MACF1: variants seen among roughly 807,000 people sequenced by gnomAD.
MACF1 encodes the protein microtubule actin crosslinking factor 1.
In MACF1, 193 loss-of-function variants were observed where a neutral mutation model predicts 854.8. The observed-to-expected ratio is 0.23, with a 90% CI of 0.20 to 0.25. The LOEUF (loss-of-function observed/expected upper bound fraction) is 0.25, where lower values mean the gene tolerates loss of function less well. Ranked by LOEUF, MACF1 falls within the 10% of genes least tolerant of loss-of-function variation. The probability of loss-of-function intolerance (pLI) is 1.00; values close to 1 mark genes in which losing one functional copy is unlikely to be tolerated. For synonymous variants in MACF1, 3,185 were observed against 3,226.7 expected, an observed-to-expected ratio of 0.99 and a Z score of 0.44; for missense variants, 7,722 against 8,929.1, an observed-to-expected ratio of 0.86 and a Z score of 5.45.
At chr1:39,463,482 C>T (rs1257156189) in intron 93 of MACF1, 130 bp from the exon 94 acceptor site, 7 of 611,530 alleles carry the variant, frequency 1.1e-5, no homozygotes, top group Non-Finnish European at 2.1e-5. Context: ...AAGAGCGAAA[C>T]TCCATCTCAA....
intron 2 of MACF1, among the ~76,000 whole-genome samples, chr1:39,096,620 T>C (rs1032055155): frequency 4.0e-5 from 6 of 151,410 alleles, no homozygotes; most frequent in Non-Finnish European, 8.8e-5. Context: ...AAAGTTCCCG[T>C]AATCACATAC....
chr1:39,119,872 C>CTTTTTTT (rs571383832), intron 2 of MACF1, among the ~76,000 whole-genome samples: 1 of 65,554 alleles, frequency 1.5e-5, no homozygotes, highest in Non-Finnish European at 2.9e-5. Flanking sequence ...AATAAAGCCT[C>CTTTTTTT]TTTTTTTTTT....
rs750854813 is a variant in MACF1 at position 39,461,871 on chromosome 1, C to A, written c.21524-12C>A. ...CCTCTTAATGTTTCAAAATATGATT[C>A]CTTTTCTCCAGAGTTCCCCACCACC... On this transcript the variant is annotated splice_polypyrimidine_tract_variant and intron_variant, in intron 92 of 100. Transcript: ENST00000564288. The A allele has an allele frequency of 2.5e-6, 4 of 1,600,320 alleles. No homozygotes were observed. In the African/African-American group the frequency reaches 5.4e-5, roughly 22 times the overall value.
At chr1:39,260,871 G>A (rs550214533) in intron 6 of MACF1, among the ~76,000 whole-genome samples, 1 of 151,924 alleles carries the variant, frequency 6.6e-6, no homozygotes, top group Non-Finnish European at 1.5e-5. Flanking sequence ...CTTAACAACA[G>A]TAATGTGGTT....
intron 26 of MACF1, 28 bp downstream of exon 26, chr1:39,311,028 G>A (rs375908351): frequency 2.9e-5 from 46 of 1,595,268 alleles, no homozygotes; most frequent in Non-Finnish European, 3.8e-5. Flanking sequence ...TGTGGATGCT[G>A]GTTGTGGAGT....
intron 34 of MACF1, 48 bp from the exon 35 acceptor site, chr1:39,324,598 C>G: frequency 6.8e-7 from 1 of 1,471,770 alleles, no homozygotes; most frequent in Non-Finnish European, 9.3e-7. Flanking sequence ...ATTTTTGACT[C>G]TTAATTCTTG....
chr1:39,431,901 A>C (rs907453901), intron 66 of MACF1, among the ~76,000 whole-genome samples: 1 of 152,162 alleles, frequency 6.6e-6, no homozygotes, highest in African/African-American at 2.4e-5. Flanking sequence ...ACTCGCGCCT[A>C]GGAGTTAGAG....
chr1:39,358,909 ACCT>A (rs774628296), intron 46 of MACF1, 36 bp downstream of exon 46: 1 of 1,571,342 alleles, frequency 6.4e-7, no homozygotes, highest in Non-Finnish European at 8.6e-7. Flanking sequence ...TGGTGTCAAG[ACCT>A]TGTATTCCAT....
intron 23 of MACF1, among the ~76,000 whole-genome samples, chr1:39,305,261 A>C (rs1321627242): frequency 7.3e-6 from 1 of 136,154 alleles, no homozygotes; most frequent in Non-Finnish European, 1.6e-5. Context: ...ACTCTGTCTC[A>C]AAAAAAAAAA....
intron 79 of MACF1, among the ~76,000 whole-genome samples, chr1:39,444,176 A>C (rs976484657): frequency 6.6e-6 from 1 of 152,110 alleles, no homozygotes; most frequent in African/African-American, 2.4e-5. Context: ...TCTACTAAAA[A>C]TACAAAAAAT....
chr1:39,120,840 A>AGG (rs1642685695), intron 2 of MACF1: 2 of 152,328 alleles, frequency 1.3e-5, no homozygotes, highest in South Asian at 4.1e-4. Flanking sequence ...AAACAATCTA[A>AGG]TTACACTCTA....
chr1:39,441,378 T>G (rs1304894115), intron 74 of MACF1, 53 bp downstream of exon 74: 1 of 1,422,962 alleles, frequency 7.0e-7, no homozygotes, highest in Non-Finnish European at 9.9e-7. Flanking sequence ...TTTTTTGCCA[T>G]TTTTGTCATT....
At chr1:39,435,498 AT>A (rs1392270351) in intron 69 of MACF1, 59 bp from the exon 70 acceptor site, 1 of 1,374,094 alleles carries the variant, frequency 7.3e-7, no homozygotes, top group Admixed American at 1.8e-5. Context: ...TGATCAAAGT[AT>A]CTAAATACAT....
chr1:39,473,564 C>T (rs986058829), intron 97 of MACF1, among the ~76,000 whole-genome samples: 1 of 152,176 alleles, frequency 6.6e-6, no homozygotes, highest in African/African-American at 2.4e-5. Context: ...AGAGAGTGAG[C>T]CCCACTGGCC....
At chr1:39,468,439 C>G (rs1644713260) in intron 95 of MACF1, among the ~76,000 whole-genome samples, 176 bp from the exon 96 acceptor site, 1 of 152,202 alleles carries the variant, frequency 6.6e-6, no homozygotes, top group South Asian at 2.1e-4. Flanking sequence ...GATATTTCTG[C>G]TTTTCTATTT....
At chr1:39,120,290 A>G (rs1427084358) in intron 2 of MACF1, among the ~76,000 whole-genome samples, 1 of 152,160 alleles carries the variant, frequency 6.6e-6, no homozygotes, top group African/African-American at 2.4e-5. Context: ...TTGGAATGTT[A>G]TAATTCTACT....
intron 97 of MACF1, among the ~76,000 whole-genome samples, chr1:39,477,062 T>TACACACAC (rs1557674870): frequency 9.0e-5 from 2 of 22,126 alleles, no homozygotes; most frequent in Admixed American, 5.8e-4. Flanking sequence ...TATATATATA[T>TACACACAC]ATATATATAT....
chr1:39,124,550 G>A (rs1478845507), intron 2 of MACF1, among the ~76,000 whole-genome samples: 3 of 152,084 alleles, frequency 2.0e-5, no homozygotes, highest in African/African-American at 7.2e-5. Flanking sequence ...ATTAAATTAG[G>A]CAAATTTACA....
chr1:39,242,068 G>T (rs1283646931), intron 2 of MACF1, among the ~76,000 whole-genome samples: 3 of 152,146 alleles, frequency 2.0e-5, no homozygotes. Context: ...AAAAATGGAG[G>T]CCGGGTGCAG....
Sources: gnomAD v4.1 joint callset for allele counts (sites outside exome capture counted in the v4.1 genomes callset) on GRCh38, gnomAD v4.1.1 for gene constraint, MANE v1.5 for transcripts, NCBI Gene and HGNC (gene_info 2026-07-23, HGNC 2026-07-21) for gene names.